Variants in GPHN observed in about 807,000 individuals in gnomAD.
The protein encoded by GPHN is gephyrin.
Under a neutral mutation model 95.5 loss-of-function variants are expected in GPHN, and 17 were observed. The observed-to-expected ratio is 0.18, with a 90% CI of 0.12 to 0.27. The LOEUF is 0.27. Ranked by LOEUF, GPHN falls within the 10% of genes least tolerant of loss-of-function variation. The probability of loss-of-function intolerance (pLI) is 1.00; values close to 1 mark genes in which losing one functional copy is unlikely to be tolerated. For missense variants in GPHN, 660 were observed against 978.1 expected, an observed-to-expected ratio of 0.67 and a Z score of 4.34; for synonymous variants, 320 against 322.5, an observed-to-expected ratio of 0.99 and a Z score of 0.08.
At chr14:67,215,956 A>G in the GPHN span, among the ~76,000 whole-genome samples, 1 of 152,330 alleles carries the variant, frequency 6.6e-6, no homozygotes, top group African/African-American at 2.4e-5. Flanking sequence ...ATTCGCTTTT[A>G]ATGCCTTTTA....
chr14:66,767,161 A>G (rs1372525540), intron 2 of GPHN, among the ~76,000 whole-genome samples: 4 of 152,078 alleles, frequency 2.6e-5, no homozygotes, highest in African/African-American at 7.2e-5. Context: ...TCTACTCATT[A>G]TATTCACTCT....
At chr14:66,789,720 G>A (rs2059906700) in intron 3 of GPHN, among the ~76,000 whole-genome samples, 1 of 152,178 alleles carries the variant, frequency 6.6e-6, no homozygotes, top group Non-Finnish European at 1.5e-5. Context: ...GCAATCTGAA[G>A]CCAATCAGCC....
intron 18 of GPHN, among the ~76,000 whole-genome samples, chr14:67,146,544 T>C (rs1401285880): frequency 6.6e-6 from 1 of 152,224 alleles, no homozygotes; most frequent in Non-Finnish European, 1.5e-5. Flanking sequence ...TTTTTGCTCA[T>C]TTCTAAGTCT....
At chr14:67,389,750 A>G in the GPHN span, among the ~76,000 whole-genome samples, 1 of 151,960 alleles carries the variant, frequency 6.6e-6, no homozygotes, top group Non-Finnish European at 1.5e-5. Flanking sequence ...GTGAGAGTTA[A>G]ATACAAAACT....
At chr14:66,632,339 T>G (rs1055859439) in intron 1 of GPHN, among the ~76,000 whole-genome samples, 1 of 152,182 alleles carries the variant, frequency 6.6e-6, no homozygotes, top group Non-Finnish European at 1.5e-5. Context: ...CAAATTTTGA[T>G]AATCCCAGCT....
At chr14:67,097,889 T>C (rs2077479693) in intron 12 of GPHN, among the ~76,000 whole-genome samples, 2 of 152,146 alleles carry the variant, frequency 1.3e-5, no homozygotes, top group African/African-American at 4.8e-5. Context: ...ACATATACAG[T>C]ACATATAAAT....
chr14:67,583,843 C>T, the GPHN span: 14 of 1,613,328 alleles, frequency 8.7e-6, no homozygotes, highest in Non-Finnish European at 2.5e-6. Flanking sequence ...CAGGTTCCAC[C>T]CCAGGCGCTA....
intron 9 of GPHN, among the ~76,000 whole-genome samples, chr14:67,013,448 A>AT (rs926688530): frequency 9.2e-5 from 14 of 152,080 alleles, no homozygotes; most frequent in African/African-American, 3.1e-4. Flanking sequence ...AATGAGTTAT[A>AT]TATTATATTA....
At chr14:66,697,859 T>C (rs934766746) in intron 2 of GPHN, among the ~76,000 whole-genome samples, 9 of 151,974 alleles carry the variant, frequency 5.9e-5, no homozygotes, top group African/African-American at 2.2e-4. Flanking sequence ...GGCTACTTTT[T>C]ACAATTATTA....
At position 66,809,778 on chromosome 14, in the gene GPHN, A is replaced by G. The variant is rs377312332; in HGVS notation, c.202-14696A>G. 3.9e-5 allele frequency among the ~76,000 whole-genome samples: 6 copies of G among 152,158 alleles called. No homozygotes were observed. The East Asian group carries it at 1.2e-3, about 29-fold the overall frequency. On this transcript the variant is annotated intron_variant, in intron 3 of 22. Transcript: ENST00000478722. ...GAGTATGCTTTACTGTGTTATTCTC[A>G]GAATAAGAGCATCCCAGAGGATTCG... is the stretch of plus-strand genomic sequence containing the variant.
the GPHN span, among the ~76,000 whole-genome samples, chr14:67,565,982 T>C: frequency 6.6e-6 from 1 of 152,102 alleles, no homozygotes; most frequent in South Asian, 2.1e-4. Flanking sequence ...TATTTGGGCA[T>C]GGTGGTGCAC....
At chr14:67,726,255 A>G in the GPHN span, 1 of 795,500 alleles carries the variant, frequency 1.3e-6, no homozygotes, top group South Asian at 1.4e-5. Context: ...GGGCCTTCAT[A>G]GAGCCTAGGA....
chr14:67,662,491 C>T, the GPHN span: 1 of 1,611,966 alleles, frequency 6.2e-7, no homozygotes, highest in East Asian at 2.2e-5. Context: ...TCATTTGCTT[C>T]CTGTTGCTTT....
chr14:67,658,753 T>C, the GPHN span, among the ~76,000 whole-genome samples: 8 of 152,224 alleles, frequency 5.3e-5, no homozygotes, highest in Non-Finnish European at 5.9e-5. Flanking sequence ...TTACAAGTGA[T>C]CTTCTGTCAG....
chr14:67,188,740 A>G, the GPHN span, among the ~76,000 whole-genome samples: 1 of 152,180 alleles, frequency 6.6e-6, no homozygotes, highest in Non-Finnish European at 1.5e-5. Flanking sequence ...ATATCATTAA[A>G]TATTCATGCT....
the GPHN span, among the ~76,000 whole-genome samples, chr14:67,247,966 A>T: frequency 2.6e-5 from 4 of 152,186 alleles, no homozygotes; most frequent in African/African-American, 9.7e-5. Context: ...CATTCTGTTA[A>T]GGAGGTTAAG....
intron 8 of GPHN, among the ~76,000 whole-genome samples, chr14:66,947,907 A>G (rs1335392775): frequency 6.6e-6 from 1 of 152,218 alleles, no homozygotes; most frequent in Non-Finnish European, 1.5e-5. Context: ...GTGAGCTGTG[A>G]TCACACCAAT....
intron 8 of GPHN, among the ~76,000 whole-genome samples, chr14:66,937,143 A>G (rs1435592728): frequency 2.6e-5 from 4 of 152,010 alleles, no homozygotes. Context: ...GCTGGGGACT[A>G]CAGGCACACA....
chr14:67,452,757 A>G, the GPHN span, among the ~76,000 whole-genome samples: 5 of 152,230 alleles, frequency 3.3e-5, no homozygotes, highest in East Asian at 9.6e-4. Flanking sequence ...CTCGATTATA[A>G]GACATGTCTA....
Sources: gnomAD v4.1 joint callset for allele counts (sites outside exome capture counted in the v4.1 genomes callset) on GRCh38, gnomAD v4.1.1 for gene constraint, MANE v1.5 for transcripts, NCBI Gene and HGNC (gene_info 2026-07-23, HGNC 2026-07-21) for gene names.